The following DIAPH2 variants were observed in gnomAD, a reference collection of about 807,000 sequenced individuals.
The protein encoded by DIAPH2 is diaphanous related formin 2, also known as protein diaphanous homolog 2.
Under a neutral mutation model 92.7 loss-of-function variants are expected in DIAPH2, and 35 were observed. The observed-to-expected ratio is 0.38, with a 90% CI of 0.29 to 0.50. The LOEUF is 0.50. DIAPH2 is among the 20% of genes least tolerant of loss of function. The probability of loss-of-function intolerance (pLI) is 0.94; values close to 1 mark genes in which losing one functional copy is unlikely to be tolerated. For synonymous variants in DIAPH2, 301 were observed against 280.4 expected, an observed-to-expected ratio of 1.07 and a Z score of -0.73; for missense variants, 701 against 819.5, an observed-to-expected ratio of 0.86 and a Z score of 1.77.
At chrX:96,894,974 A>ATTTTTTTTTTTTTTTTTTTT (rs766131166) in intron 5 of DIAPH2, among the ~76,000 whole-genome samples, 5 of 59,531 alleles carry the variant, frequency 8.4e-5, no homozygotes, top group Non-Finnish European at 1.2e-4. Flanking sequence ...GTTTTTCTTA[A>ATTTTTTTTTTTTTTTTTTTT]TTTTTTTTTT....
At chrX:97,393,535 A>G (rs1882657564) in intron 25 of DIAPH2, among the ~76,000 whole-genome samples, 1 of 111,987 alleles carries the variant, frequency 8.9e-6, no homozygotes, top group African/African-American at 3.2e-5. Context: ...AATGTACTCT[A>G]AAATGCGTGC....
At chrX:97,036,855 G>T (rs1207905072) in intron 17 of DIAPH2, among the ~76,000 whole-genome samples, 1 of 111,817 alleles carries the variant, frequency 8.9e-6, no homozygotes, top group African/African-American at 3.2e-5. Context: ...GGTGCAATAG[G>T]TAGATGACAA....
chrX:97,036,471 C>T lies in DIAPH2; in HGVS notation c.2051-36470C>T, dbSNP rs779570164. On this transcript the variant is annotated intron_variant, in intron 17 of 26. Transcript: ENST00000324765. Reference sequence around the variant, plus strand: ...GAAATAGAATATTTCTGTGTAAGTTCATTGGGTTATGTGCCATCTAGCAGA... The same window carrying T: ...GAAATAGAATATTTCTGTGTAAGTTTATTGGGTTATGTGCCATCTAGCAGA... 8.9e-5 allele frequency among the ~76,000 whole-genome samples: 10 copies of T among 111,798 alleles called. No homozygotes were observed. The South Asian group carries it at 3.7e-3, about 42-fold the overall frequency.
chrX:96,798,281 C>A (rs2064555957), intron 4 of DIAPH2, among the ~76,000 whole-genome samples: 1 of 111,666 alleles, frequency 9.0e-6, no homozygotes, highest in South Asian at 3.7e-4. Flanking sequence ...GTCACTGAGG[C>A]TCTGATAGTT....
chrX:97,411,182 G>T (rs745542339), intron 25 of DIAPH2, among the ~76,000 whole-genome samples: 142 of 112,168 alleles, frequency 1.3e-3, no homozygotes, highest in African/African-American at 4.3e-3. Context: ...ACAAAGGGAA[G>T]CCCATCAGAC....
At chrX:97,083,245 G>A (rs1287019565) in intron 19 of DIAPH2, among the ~76,000 whole-genome samples, 3 of 111,484 alleles carry the variant, frequency 2.7e-5, no homozygotes, top group African/African-American at 9.8e-5. Context: ...GTATAATAAC[G>A]GGTATAACGT....
intron 23 of DIAPH2, among the ~76,000 whole-genome samples, chrX:97,307,393 T>G (rs763091767): frequency 0.023 from 2,582 of 112,044 alleles, 28 homozygotes; most frequent in Middle Eastern, 0.041. Context: ...GGAAACCCTT[T>G]CATTTCTGTT....
chrX:97,480,221 A>G (rs1306957984), intron 26 of DIAPH2, among the ~76,000 whole-genome samples: 1 of 111,734 alleles, frequency 8.9e-6, no homozygotes, highest in East Asian at 2.8e-4. Context: ...ACACAAAGAC[A>G]CACAGGGAGA....
chrX:97,567,880 C>T (rs2071337798), intron 26 of DIAPH2, among the ~76,000 whole-genome samples: 1 of 108,490 alleles, frequency 9.2e-6, no homozygotes, highest in Non-Finnish European at 1.9e-5. Flanking sequence ...GGAGGGAGGC[C>T]GAGGTGGGCA....
chrX:96,710,933 G>T (rs2063914272), intron 1 of DIAPH2, among the ~76,000 whole-genome samples: 1 of 111,640 alleles, frequency 9.0e-6, no homozygotes, highest in Non-Finnish European at 1.9e-5. Context: ...GAGAATAAAT[G>T]ATGTTTGGTT....
chrX:96,687,965 C>A (rs927920780), intron 1 of DIAPH2, among the ~76,000 whole-genome samples: 1 of 111,648 alleles, frequency 9.0e-6, no homozygotes, highest in Non-Finnish European at 1.9e-5. Flanking sequence ...TGCAACATGT[C>A]ATCAAACAGC....
In DIAPH2 at chrX:97,465,052, G is replaced by A. The variant is rs1394631029; in HGVS notation, c.3241+35307G>A. Among the ~76,000 whole-genome samples, 5 of 110,798 alleles carry A rather than the reference G, an allele frequency of 4.5e-5. No homozygotes were observed. The East Asian group carries it at 1.4e-3, about 32-fold the overall frequency. ...AGTAGAGACAGGGTTTCTCCATTTT[G>A]GTCAGGCTGGTCTCGAACTCCTGAC... On this transcript the variant is annotated intron_variant, in intron 26 of 26. Transcript: ENST00000324765.
At chrX:97,287,039 T>A (rs5921768) in intron 23 of DIAPH2, among the ~76,000 whole-genome samples, 2,026 of 111,745 alleles carry the variant, frequency 0.018, 14 homozygotes, top group Middle Eastern at 0.041. Flanking sequence ...CCCTTTCATA[T>A]TTGTGAAATG....
chrX:97,205,878 A>G lies in DIAPH2; in HGVS notation c.2720-41837A>G, dbSNP rs2067792054. Reference sequence around the variant, plus strand: ...AGGTATGTTTATTGCAGCACTATTTACAATAGCAAAGACCTGGAACCAACC... The same window carrying G: ...AGGTATGTTTATTGCAGCACTATTTGCAATAGCAAAGACCTGGAACCAACC... On this transcript the variant is annotated intron_variant, in intron 22 of 26. Transcript: ENST00000324765. 3.6e-5 allele frequency among the ~76,000 whole-genome samples: 4 copies of G among 111,669 alleles called. No individual in the cohort carries two copies. The South Asian group carries it at 1.5e-3, about 43-fold the overall frequency.
At chrX:97,193,878 A>G (rs1444544137) in intron 22 of DIAPH2, among the ~76,000 whole-genome samples, 2 of 112,135 alleles carry the variant, frequency 1.8e-5, no homozygotes, top group African/African-American at 3.2e-5. Flanking sequence ...TGGCCTATAA[A>G]TAAGTTAGTT....
rs763515788 is a variant in DIAPH2, at chrX:96,855,067, A to T, written c.448-26512A>T. On this transcript the variant is annotated intron_variant, in intron 4 of 26. Coordinates refer to ENST00000324765, the MANE Select transcript of DIAPH2 (RefSeq NM_006729.5). ...GAATCTAATTTGTGTTACATTTTATATTGCTAATTTCTTATTTTTTTATTT... is the reference window on the plus strand; with the variant it reads ...GAATCTAATTTGTGTTACATTTTATTTTGCTAATTTCTTATTTTTTTATTT... 9.9e-5 allele frequency among the ~76,000 whole-genome samples: 11 copies of T among 110,840 alleles called. No individual in the cohort carries two copies. In the East Asian group the frequency reaches 2.5e-3, roughly 26 times the overall value.
Position 97,386,617 on chromosome X carries a change from G to A in DIAPH2, c.3145+2573G>A, listed in dbSNP as rs758738392. Among the ~76,000 whole-genome samples the A allele has an allele frequency of 7.4e-5, 8 of 107,571 alleles. No homozygotes were observed. In the South Asian group the frequency reaches 3.3e-3, roughly 45 times the overall value. The allele number at this position is 107,571 out of a possible 115,157, so 93.4% of individuals were successfully genotyped here. A position where few individuals can be genotyped will look rare whatever the true frequency, so the allele number is the denominator to read the frequency against. On this transcript the variant is annotated intron_variant, in intron 25 of 26. Transcript: ENST00000324765. ...CAGGAGGTGGAAGTTGCAGTGAGCC[G>A]AGATCTCACCACTGCACTCCAGCCT...
intron 26 of DIAPH2, among the ~76,000 whole-genome samples, chrX:97,443,180 C>T (rs953881712): frequency 1.3e-4 from 14 of 111,968 alleles, no homozygotes; most frequent in African/African-American, 4.5e-4. Context: ...AGATTACAAG[C>T]GTGATCCACT....
At chrX:97,554,691 A>G (rs955447852) in intron 26 of DIAPH2, among the ~76,000 whole-genome samples, 3 of 111,775 alleles carry the variant, frequency 2.7e-5, no homozygotes, top group Non-Finnish European at 5.6e-5. Context: ...TGCAACTTAT[A>G]TAACTTGGGC....
Sources: gnomAD v4.1 joint callset for allele counts (sites outside exome capture counted in the v4.1 genomes callset) on GRCh38, gnomAD v4.1.1 for gene constraint, MANE v1.5 for transcripts, NCBI Gene and HGNC (gene_info 2026-07-23, HGNC 2026-07-21) for gene names.